Variants in SPARCL1 observed in about 807,000 individuals in gnomAD.
SPARCL1 encodes SPARC like 1.
SPARCL1 carries 52 observed loss-of-function variants against 67.1 expected under a neutral mutation model. The ratio of observed to expected loss-of-function variants is 0.78; its 90% CI spans 0.62 to 0.98. The LOEUF is 0.98. Among genes scored for constraint, SPARCL1 ranks in the 50% least tolerant of loss-of-function variants. The probability of loss-of-function intolerance (pLI) is 0.00; values close to 1 mark genes in which losing one functional copy is unlikely to be tolerated. For missense variants in SPARCL1, 717 were observed against 782.4 expected (o/e 0.92, Z 1.00); for synonymous variants, 226 against 267.8 (o/e 0.84, Z 1.52).
intron 1 of SPARCL1, among the ~76,000 whole-genome samples, chr4:87,502,183 TTATACA>T (rs1392487691): frequency 6.6e-6 from 1 of 152,182 alleles, no homozygotes; most frequent in African/African-American, 2.4e-5. Flanking sequence ...CAAATAACAA[TTATACA>T]TATTCATGGG....
intron 1 of SPARCL1, among the ~76,000 whole-genome samples, chr4:87,519,069 CCTAT>C (rs1725697954): frequency 1.3e-5 from 2 of 151,468 alleles, no homozygotes; most frequent in Non-Finnish European, 2.9e-5. Flanking sequence ...CTATCAAGTC[CCTAT>C]CTTTTTTTTT....
chr4:87,515,727 T>C (rs1046121117), intron 1 of SPARCL1, among the ~76,000 whole-genome samples: 4 of 152,214 alleles, frequency 2.6e-5, no homozygotes, highest in African/African-American at 9.7e-5. Context: ...CTAGAGTTTT[T>C]CTATTGGCTG....
intron 9 of SPARCL1, among the ~76,000 whole-genome samples, 169 bp downstream of exon 9, chr4:87,480,203 A>T (rs1723753755): frequency 6.6e-6 from 1 of 152,182 alleles, no homozygotes; most frequent in African/African-American, 2.4e-5. Context: ...TAAGTTCTAG[A>T]GTACATCATA....
At chr4:87,509,693 A>G (rs1387416802) in intron 1 of SPARCL1, among the ~76,000 whole-genome samples, 2 of 152,214 alleles carry the variant, frequency 1.3e-5, no homozygotes, top group East Asian at 3.8e-4. Context: ...AGATAGCCAT[A>G]TTGTAAAAGT....
At chr4:87,517,227 A>G (rs1560454037) in intron 1 of SPARCL1, among the ~76,000 whole-genome samples, 1 of 152,166 alleles carries the variant, frequency 6.6e-6, no homozygotes, top group Non-Finnish European at 1.5e-5. Flanking sequence ...GACGTGCCAT[A>G]AAACTAGGAA....
intron 1 of SPARCL1, among the ~76,000 whole-genome samples, chr4:87,502,043 A>G (rs1482057210): frequency 6.6e-6 from 1 of 151,528 alleles, no homozygotes; most frequent in Non-Finnish European, 1.5e-5. Flanking sequence ...GCTCAAAGTG[A>G]TCTGCCTGCC....
intron 3 of SPARCL1, 113 bp downstream of exon 3, chr4:87,494,867 GT>G: frequency 9.9e-7 from 1 of 1,014,100 alleles, no homozygotes; most frequent in Non-Finnish European, 1.4e-6. Context: ...TGATCATCAT[GT>G]TTTAAAAAAA....
chr4:87,485,094 A>G (rs1027223714), intron 7 of SPARCL1, among the ~76,000 whole-genome samples: 4 of 151,900 alleles, frequency 2.6e-5, no homozygotes, highest in African/African-American at 9.7e-5. Flanking sequence ...CAGAACTTCC[A>G]ATACTATGTT....
chr4:87,519,513 C>A (rs1365580677), intron 1 of SPARCL1, among the ~76,000 whole-genome samples: 1 of 152,140 alleles, frequency 6.6e-6, no homozygotes, highest in African/African-American at 2.4e-5. Flanking sequence ...TTTATTTGAA[C>A]CTAGTGTAAA....
At chr4:87,498,448 C>G (rs1462731920) in intron 2 of SPARCL1, among the ~76,000 whole-genome samples, 1 of 152,102 alleles carries the variant, frequency 6.6e-6, no homozygotes, top group East Asian at 1.9e-4. Flanking sequence ...GCTGATTCCT[C>G]CATTTGGTGA....
intron 1 of SPARCL1, among the ~76,000 whole-genome samples, chr4:87,519,356 G>A (rs1725712180): frequency 6.6e-6 from 1 of 152,160 alleles, no homozygotes; most frequent in Non-Finnish European, 1.5e-5. Context: ...ACAGGCATGA[G>A]CCATTGTGTC....
In SPARCL1 at chr4:87,494,193, C is replaced by T. The variant is rs752612464; in HGVS notation, c.607G>A (p.Glu203Lys). 6.2e-7 allele frequency: 1 copy of T among 1,613,982 alleles called. No individual in the cohort carries two copies. Among genetic ancestry groups the T allele is most frequent in the Admixed American group, 1.7e-5 (1 of 60,006 alleles). Reference protein sequence around the residue: ...QDPNISNGEEEEEKEPGEVGT... With the variant: ...QDPNISNGEEKEEKEPGEVGT... Reference sequence around the variant, plus strand: ...ACTTCACCTGGCTCTTTTTCTTCTTCCTCTTCTCCATTGGAAATATTTGGA... The same window carrying T: ...ACTTCACCTGGCTCTTTTTCTTCTTTCTCTTCTCCATTGGAAATATTTGGA... The change falls in exon 4 of 11, where the codon GAA becomes AAA. Residue 203 changes from glutamate to lysine, a missense_variant. Transcript: ENST00000282470.
At chr4:87,482,391 G>T (rs1270559011) in intron 8 of SPARCL1, 33 bp downstream of exon 8, 3 of 1,607,552 alleles carry the variant, frequency 1.9e-6, no homozygotes, top group Admixed American at 1.7e-5. Context: ...CCTGTAGACA[G>T]ACATTGAAGA....
intron 10 of SPARCL1, among the ~76,000 whole-genome samples, chr4:87,478,891 AC>A (rs2110211149): frequency 6.6e-6 from 1 of 152,212 alleles, no homozygotes; most frequent in South Asian, 2.1e-4. Flanking sequence ...ACTCTGATCT[AC>A]CCTCCCACAG....
chr4:87,499,437 A>G, intron 2 of SPARCL1, 84 bp downstream of exon 2: 1 of 1,088,786 alleles, frequency 9.2e-7, no homozygotes, highest in South Asian at 1.3e-5. Flanking sequence ...AAACCATTAT[A>G]TAAGAACATT....
At chr4:87,481,437 C>A (rs1236669814) in intron 8 of SPARCL1, among the ~76,000 whole-genome samples, 1 of 152,170 alleles carries the variant, frequency 6.6e-6, no homozygotes, top group African/African-American at 2.4e-5. Flanking sequence ...CATAGCAAAA[C>A]TCCTTGAAAG....
At chr4:87,488,947 A>G (rs1724190349) in intron 7 of SPARCL1, among the ~76,000 whole-genome samples, 1 of 151,846 alleles carries the variant, frequency 6.6e-6, no homozygotes, top group African/African-American at 2.4e-5. Context: ...CCCCCACCAA[A>G]CTCAAGCATC....
intron 1 of SPARCL1, among the ~76,000 whole-genome samples, chr4:87,510,497 A>C (rs544916049): frequency 1.8e-4 from 28 of 152,312 alleles, no homozygotes; most frequent in Admixed American, 1.7e-3. Context: ...CCCAGAACTC[A>C]GCCAGCAGAG....
chr4:87,491,953 C>T (rs1309383229), intron 4 of SPARCL1, among the ~76,000 whole-genome samples: 2 of 44,238 alleles, frequency 4.5e-5, no homozygotes, highest in Admixed American at 2.8e-4. Context: ...CACCCCCCCC[C>T]CCAAAAAAAA....
Sources: gnomAD v4.1 joint callset for allele counts (sites outside exome capture counted in the v4.1 genomes callset) on GRCh38, gnomAD v4.1.1 for gene constraint, MANE v1.5 for transcripts, NCBI Gene and HGNC (gene_info 2026-07-23, HGNC 2026-07-21) for gene names.